ACOXL: variants seen among roughly 807,000 people sequenced by gnomAD.
The protein encoded by ACOXL is acyl-coenzyme A oxidase-like protein.
ACOXL carries 70 observed loss-of-function variants against 71.9 expected under a neutral mutation model. The ratio of observed to expected loss-of-function variants is 0.97; its 90% CI spans 0.80 to 1.19. The LOEUF is 1.19. Among genes scored for constraint, ACOXL ranks in the 50% most tolerant of loss-of-function variants. ACOXL has a pLI of 0.00. For missense variants in ACOXL, 703 were observed against 736.3 expected, an observed-to-expected ratio of 0.95 and a Z score of 0.52; for synonymous variants, 253 against 281.6, an observed-to-expected ratio of 0.90 and a Z score of 1.02.
At position 110,794,244 on chromosome 2, in the gene ACOXL, T is replaced by C. The variant is rs1162089941; in HGVS notation, c.345+70T>C. On this transcript the variant is annotated intron_variant, in intron 5 of 17. Coordinates refer to ENST00000439055, the MANE Select transcript of ACOXL (RefSeq NM_001142807.4). Reference sequence around the variant, plus strand: ...CTGGACAGAAACAGATCTCCTTCTTTCTGTGTCCAGCTTCACACCCTCTGT... The same window carrying C: ...CTGGACAGAAACAGATCTCCTTCTTCCTGTGTCCAGCTTCACACCCTCTGT... The C allele has an allele frequency of 2.1e-6, 3 of 1,455,222 alleles. No individual in the cohort carries two copies. In the African/African-American group the frequency reaches 4.2e-5, roughly 20 times the overall value. 90.1% of individuals were successfully genotyped at this position (1,455,222 alleles called of 1,614,324 possible).
At chr2:110,986,264 C>A (rs947833179) in intron 12 of ACOXL, among the ~76,000 whole-genome samples, 10 of 152,110 alleles carry the variant, frequency 6.6e-5, no homozygotes, top group Admixed American at 2.0e-4. Flanking sequence ...AACATGCATG[C>A]ATATAAAGCA....
intron 12 of ACOXL, among the ~76,000 whole-genome samples, chr2:110,978,935 A>G (rs1476769700): frequency 1.3e-5 from 2 of 152,130 alleles, no homozygotes; most frequent in Non-Finnish European, 1.5e-5. Context: ...TTCCAGCAAC[A>G]CTGGACGGTT....
chr2:110,952,654 T>C (rs1345632130), intron 12 of ACOXL, among the ~76,000 whole-genome samples: 1 of 152,064 alleles, frequency 6.6e-6, no homozygotes, highest in Non-Finnish European at 1.5e-5. Context: ...CACTGTGTTG[T>C]CCAGGCTAGT....
chr2:110,809,176 T>G (rs940244790), intron 9 of ACOXL, among the ~76,000 whole-genome samples: 2 of 152,262 alleles, frequency 1.3e-5, no homozygotes, highest in Admixed American at 6.5e-5. Flanking sequence ...ACCAGGAGTC[T>G]TCTTTCTTTC....
intron 10 of ACOXL, among the ~76,000 whole-genome samples, chr2:110,873,528 G>C (rs1316048471): frequency 6.6e-6 from 1 of 152,208 alleles, no homozygotes; most frequent in Non-Finnish European, 1.5e-5. Flanking sequence ...AGAGGTACTG[G>C]AATTATTCCT....
chr2:110,821,351 G>A (rs1322052943), intron 9 of ACOXL, among the ~76,000 whole-genome samples: 2 of 152,012 alleles, frequency 1.3e-5, no homozygotes, highest in Non-Finnish European at 2.9e-5. Flanking sequence ...TCAGAAGGTC[G>A]AAGTCTTGAA....
chr2:110,936,198 T>C (rs1056103725), intron 12 of ACOXL, among the ~76,000 whole-genome samples: 4 of 152,102 alleles, frequency 2.6e-5, no homozygotes, highest in African/African-American at 7.3e-5. Flanking sequence ...GATTAAGGCC[T>C]CAGTTCCATA....
In ACOXL at chr2:110,754,070, AT is replaced by A. The variant is rs558367497; in HGVS notation, c.-22-14278del. On this transcript the variant is annotated intron_variant, in intron 1 of 17. Transcript: ENST00000439055. ...TGTGTGTGTGTGTGTAGTTCTGTGAATTTTTTTTTTTTTTTTTTTTGAGATA... is the reference window on the plus strand; with the variant it reads ...TGTGTGTGTGTGTGTAGTTCTGTGAATTTTTTTTTTTTTTTTTTTGAGATA... Among the ~76,000 whole-genome samples, 954 of 119,848 alleles carry A rather than the reference AT, an allele frequency of 8.0e-3. 6 individuals carry two copies. Among genetic ancestry groups the A allele is most frequent in the South Asian group, 0.019 (72 of 3,816 alleles). The allele number at this position is 119,848 out of a possible 152,430, so 78.6% of individuals were successfully genotyped here.
Position 110,818,393 on chromosome 2 carries a change from CAA to C in ACOXL, c.753+13013_753+13014del, listed in dbSNP as rs11314019. Among the ~76,000 whole-genome samples the C allele has an allele frequency of 2.8e-3, 148 of 52,314 alleles. 1 individual carries two copies. Among genetic ancestry groups the C allele is most frequent in the African/African-American group, 3.4e-3 (50 of 14,838 alleles). 34.3% of individuals were successfully genotyped at this position (52,314 alleles called of 152,430 possible). A position where few individuals can be genotyped will look rare whatever the true frequency, so the allele number is the denominator to read the frequency against. On this transcript the variant is annotated intron_variant, in intron 9 of 17. Coordinates refer to ENST00000439055, the MANE Select transcript of ACOXL (RefSeq NM_001142807.4). ...TGGTTGACAGAGTGAGACTCTGTCT[CAA>C]AAAAAAAAAAAAAACATATATATAT...
chr2:111,064,644 A>C (rs1234942695), intron 16 of ACOXL, among the ~76,000 whole-genome samples: 1 of 152,186 alleles, frequency 6.6e-6, no homozygotes, highest in Non-Finnish European at 1.5e-5. Flanking sequence ...CGTTTCCCAA[A>C]TATTTTTGAT....
At chr2:110,817,026 A>G (rs1687994593) in intron 9 of ACOXL, among the ~76,000 whole-genome samples, 1 of 152,170 alleles carries the variant, frequency 6.6e-6, no homozygotes, top group African/African-American at 2.4e-5. Context: ...CAGTCTGCCT[A>G]CTTCTCCCTT....
intron 16 of ACOXL, among the ~76,000 whole-genome samples, chr2:111,083,186 TA>T (rs950526727): frequency 1.3e-5 from 2 of 151,866 alleles, no homozygotes; most frequent in Admixed American, 6.6e-5. Flanking sequence ...TTATAATAAT[TA>T]AAAAAAAGAA....
intron 12 of ACOXL, among the ~76,000 whole-genome samples, chr2:110,959,279 C>T (rs557001910): frequency 2.6e-5 from 4 of 152,114 alleles, no homozygotes; most frequent in Non-Finnish European, 2.9e-5. Context: ...GGGAGGCTGT[C>T]GGCTCTTGGC....
At chr2:110,966,592 T>TG (rs1009121436) in intron 12 of ACOXL, among the ~76,000 whole-genome samples, 2 of 152,194 alleles carry the variant, frequency 1.3e-5, no homozygotes, top group Non-Finnish European at 2.9e-5. Context: ...GGGGATTTAG[T>TG]GGGGAGCTGA....
intron 3 of ACOXL, among the ~76,000 whole-genome samples, chr2:110,793,056 T>G (rs986362174): frequency 6.6e-6 from 1 of 152,212 alleles, no homozygotes; most frequent in African/African-American, 2.4e-5. Flanking sequence ...GTAAGCTCAG[T>G]AGCTCAGTAA....
intron 10 of ACOXL, among the ~76,000 whole-genome samples, chr2:110,880,291 G>A (rs376188238): frequency 5.3e-5 from 8 of 152,214 alleles, no homozygotes; most frequent in African/African-American, 1.4e-4. Context: ...CCTTCCCAGC[G>A]TGCTAGTCCT....
intron 12 of ACOXL, among the ~76,000 whole-genome samples, chr2:110,984,452 C>T (rs1361285474): frequency 1.3e-5 from 2 of 152,102 alleles, no homozygotes; most frequent in Non-Finnish European, 2.9e-5. Flanking sequence ...CCCGTGGTAG[C>T]TGATGGCTTC....
intron 17 of ACOXL, chr2:111,115,585 G>A (rs2070293407): frequency 6.6e-6 from 1 of 152,162 alleles, no homozygotes; most frequent in Non-Finnish European, 1.5e-5. Context: ...AGGTGGGTGG[G>A]TACCTGGAAT....
At chr2:110,820,453 C>T (rs565388456) in intron 9 of ACOXL, among the ~76,000 whole-genome samples, 2 of 151,402 alleles carry the variant, frequency 1.3e-5, no homozygotes, top group South Asian at 4.2e-4. Flanking sequence ...GGAGGAGATA[C>T]AGAGGAAATT....
Sources: allele counts gnomAD v4.1 joint callset (sites outside exome capture counted in the v4.1 genomes callset), GRCh38; gene constraint gnomAD v4.1.1; transcripts MANE v1.5; gene names NCBI Gene and HGNC (gene_info 2026-07-23, HGNC 2026-07-21).